OSBPL2: variants seen among roughly 807,000 people sequenced by gnomAD.
OSBPL2 encodes oxysterol-binding protein-related protein 2.
A neutral mutation model predicts 58.4 loss-of-function variants in OSBPL2; 18 were observed. The observed-to-expected ratio is 0.31, with a 90% CI of 0.21 to 0.46. The LOEUF is 0.46. Among genes scored for constraint, OSBPL2 ranks in the 20% least tolerant of loss-of-function variants. The pLI is 1.00. For missense variants in OSBPL2, 461 were observed against 616.5 expected, an observed-to-expected ratio of 0.75 and a Z score of 2.67; for synonymous variants, 221 against 234.1, an observed-to-expected ratio of 0.94 and a Z score of 0.51.
intron 1 of OSBPL2, among the ~76,000 whole-genome samples, chr20:62,248,443 A>G (rs1358604329): frequency 2.6e-5 from 4 of 152,170 alleles, no homozygotes; most frequent in African/African-American, 4.8e-5. Flanking sequence ...GGCATGAGCC[A>G]TCGTGTCTGG....
At chr20:62,252,031 G>T (rs371909905) in intron 1 of OSBPL2, among the ~76,000 whole-genome samples, 4 of 151,468 alleles carry the variant, frequency 2.6e-5, no homozygotes, top group Non-Finnish European at 5.9e-5. Context: ...ATAGGTGGGC[G>T]CACCACCACA....
At chr20:62,273,601 G>A (rs183981717) in intron 6 of OSBPL2, among the ~76,000 whole-genome samples, 195 bp downstream of exon 6, 23 of 152,314 alleles carry the variant, frequency 1.5e-4, no homozygotes, top group Admixed American at 2.6e-4. Flanking sequence ...GTGCCACGGC[G>A]TCTGAGTGAG....
intron 7 of OSBPL2, chr20:62,280,234 G>C: frequency 1.2e-6 from 1 of 801,190 alleles, no homozygotes; most frequent in East Asian, 6.4e-5. Context: ...ATTTGATTTG[G>C]GTTTTGCTTC....
intron 7 of OSBPL2, 193 bp downstream of exon 7, chr20:62,279,532 GT>G: frequency 1.7e-6 from 1 of 596,114 alleles, no homozygotes; most frequent in Non-Finnish European, 2.9e-6. Flanking sequence ...GCGTCCTCAC[GT>G]CTGCAGTTGG....
At position 62,290,839 on chromosome 20, in the gene OSBPL2, G is replaced by C. The variant is rs527290839; in HGVS notation, c.1250-864G>C. Among the ~76,000 whole-genome samples the C allele has an allele frequency of 5.1e-4, 77 of 150,462 alleles. 1 individual carries two copies. In the South Asian group the frequency reaches 0.011, roughly 21 times the overall value. ...CTGCAACCTCTGCTCACAGGTTCAA[G>C]AGATTCTCCTGCCTCAGCCTCCCGA... On this transcript the variant is annotated intron_variant, in intron 12 of 13. Transcript: ENST00000313733.
intron 12 of OSBPL2, among the ~76,000 whole-genome samples, chr20:62,291,064 T>G (rs1983475989): frequency 1.3e-5 from 2 of 152,116 alleles, no homozygotes; most frequent in Admixed American, 1.3e-4. Flanking sequence ...GGTTTTGCCA[T>G]GTTGCCCGGG....
intron 7 of OSBPL2, 100 bp from the exon 8 acceptor site, chr20:62,280,958 C>T (rs574197456): frequency 3.5e-6 from 3 of 848,662 alleles, no homozygotes; most frequent in East Asian, 2.5e-5. Context: ...CCGCGGGTGC[C>T]GGTTGCTGTG....
chr20:62,254,652 G>A (rs1980799936), intron 1 of OSBPL2, among the ~76,000 whole-genome samples: 1 of 152,254 alleles, frequency 6.6e-6, no homozygotes, highest in South Asian at 2.1e-4. Flanking sequence ...ACCCAGCACT[G>A]GGGGCCGTTC....
chr20:62,240,783 A>AT (rs1481123922), intron 1 of OSBPL2, among the ~76,000 whole-genome samples: 3 of 152,072 alleles, frequency 2.0e-5, no homozygotes, highest in African/African-American at 7.2e-5. Flanking sequence ...AAGCCATTTC[A>AT]TTTTTTCTGA....
chr20:62,271,959 G>C (rs548234884), intron 4 of OSBPL2, among the ~76,000 whole-genome samples, 166 bp from the exon 5 acceptor site: 2 of 152,308 alleles, frequency 1.3e-5, no homozygotes, highest in East Asian at 3.9e-4. Flanking sequence ...AGGCTCACAG[G>C]GCAGGGCCGA....
chr20:62,290,957 CA>C (rs1467851115), intron 12 of OSBPL2, among the ~76,000 whole-genome samples: 1 of 152,002 alleles, frequency 6.6e-6, no homozygotes, highest in Non-Finnish European at 1.5e-5. Context: ...AGCCTGGTCT[CA>C]AACTGCTGAC....
Position 62,240,935 on chromosome 20 carries a change from C to A in OSBPL2, c.-129+2338C>A, listed in dbSNP as rs142903134. 2.6e-5 allele frequency among the ~76,000 whole-genome samples: 4 copies of A among 152,334 alleles called. No individual in the cohort carries two copies. The East Asian group carries it at 5.8e-4, about 22-fold the overall frequency. Reference sequence around the variant, plus strand: ...AGGGGCATGGGTGCTGACAGGCGTACAGTCCAGACTCTGAGGTCTCCGTTC... The same window carrying A: ...AGGGGCATGGGTGCTGACAGGCGTAAAGTCCAGACTCTGAGGTCTCCGTTC... On this transcript the variant is annotated intron_variant, in intron 1 of 13. Transcript: ENST00000313733.
At chr20:62,286,413 G>A in intron 10 of OSBPL2, 170 bp from the exon 11 acceptor site, 2 of 674,198 alleles carry the variant, frequency 3.0e-6, no homozygotes, top group South Asian at 3.6e-5. Flanking sequence ...TCGCACCATT[G>A]CACTCCAGCC....
chr20:62,244,486 T>C (rs1568822190), intron 1 of OSBPL2, among the ~76,000 whole-genome samples: 1 of 152,218 alleles, frequency 6.6e-6, no homozygotes, highest in Non-Finnish European at 1.5e-5. Flanking sequence ...GCCCTGTCCA[T>C]TGCCTTCCCA....
chr20:62,265,739 T>C (rs1054536503), intron 4 of OSBPL2, among the ~76,000 whole-genome samples: 11 of 152,230 alleles, frequency 7.2e-5, no homozygotes, highest in African/African-American at 2.4e-4. Context: ...TTTTTGACTA[T>C]GTGGATAATT....
Position 62,279,215 on chromosome 20 carries a change from G to A in OSBPL2, c.550G>A (p.Ala184Thr), listed in dbSNP as rs747912454. 2.5e-6 allele frequency: 4 copies of A among 1,614,228 alleles called. No individual in the cohort carries two copies. In the South Asian group the frequency reaches 4.4e-5, roughly 18 times the overall value. Residue 184 changes from alanine (A) to threonine (T), a missense_variant, in exon 7 of 14, where the codon GCG (alanine) becomes ACG (threonine). This residue lies in a region of OSBPL2 where 319 missense variants were observed against 419.2 expected (regional missense o/e 0.76). Transcript: ENST00000313733. Reference protein sequence around the residue: ...EQVSHHPPISAFHSEGLNHDF... With the variant: ...EQVSHHPPISTFHSEGLNHDF... ...GGTCAGTCACCACCCCCCCATCAGT[G>A]CGTTCCACTCGGAAGGTCTCAACCA...
intron 11 of OSBPL2, among the ~76,000 whole-genome samples, chr20:62,287,656 A>G (rs1017446809): frequency 6.6e-6 from 1 of 152,098 alleles, no homozygotes; most frequent in African/African-American, 2.4e-5. Flanking sequence ...AGGTCTTGCT[A>G]TGTTGCCCAG....
chr20:62,239,908 A>G (rs369534517), intron 1 of OSBPL2, among the ~76,000 whole-genome samples: 1 of 152,172 alleles, frequency 6.6e-6, no homozygotes, highest in Non-Finnish European at 1.5e-5. Context: ...GCTGGAGTGC[A>G]GTGGTGCGAT....
At position 62,275,600 on chromosome 20, in the gene OSBPL2, A is replaced by G. The variant is rs527947450; in HGVS notation, c.491+2194A>G. ...GTAGCTGGAACTACAGGCGTGCGCC[A>G]CCATGCCCAGCTAATTTTTGTATTT... On this transcript the variant is annotated intron_variant, in intron 6 of 13. Coordinates refer to ENST00000313733, the MANE Select transcript of OSBPL2 (RefSeq NM_144498.4). 1.2e-4 allele frequency among the ~76,000 whole-genome samples: 18 copies of G among 152,156 alleles called. No individual in the cohort carries two copies. In the South Asian group the frequency reaches 3.7e-3, roughly 32 times the overall value.
Sources: allele counts gnomAD v4.1 joint callset (sites outside exome capture counted in the v4.1 genomes callset), GRCh38; gene constraint gnomAD v4.1.1; regional missense constraint gnomAD v4.1.1; transcripts MANE v1.5; gene names NCBI Gene and HGNC (gene_info 2026-07-23, HGNC 2026-07-21).